The following PCDH15 variants were observed in gnomAD, a reference collection of about 807,000 sequenced individuals.
PCDH15 encodes the protein protocadherin related 15, also known as protocadherin-15.
In PCDH15, 129 loss-of-function variants were observed where a neutral mutation model predicts 178.5. The observed-to-expected ratio is 0.72, with a 90% CI of 0.63 to 0.84. The LOEUF (loss-of-function observed/expected upper bound fraction) is 0.84, where lower values mean the gene tolerates loss of function less well. PCDH15 is among the 40% of genes least tolerant of loss of function. The pLI is 0.00. For synonymous variants in PCDH15, 800 were observed against 732.0 expected, an observed-to-expected ratio of 1.09 and a Z score of -1.50; for missense variants, 2,230 against 2,099.9, an observed-to-expected ratio of 1.06 and a Z score of -1.21.
chr10:54,539,160 A>T lies in PCDH15; in HGVS notation c.92-11283T>A, dbSNP rs2084912945. ...GCTTCTTGGTTAGACGTACTATCTA[A>T]AAGCCCTACTTAAAAGGCACAGAGT... On this transcript the variant is annotated intron_variant, in intron 2 of 37. Transcript: ENST00000644397. 2.6e-5 allele frequency among the ~76,000 whole-genome samples: 4 copies of T among 152,144 alleles called. No homozygotes were observed. The South Asian group carries it at 6.2e-4, about 24-fold the overall frequency.
intron 13 of PCDH15, among the ~76,000 whole-genome samples, chr10:54,164,532 A>T (rs2046018400): frequency 6.6e-6 from 1 of 152,228 alleles, no homozygotes; most frequent in African/African-American, 2.4e-5. Context: ...AAAAGGCAGA[A>T]GTAATAGAGG....
intron 26 of PCDH15, among the ~76,000 whole-genome samples, chr10:53,884,027 A>AAAAAC (rs1554843461): frequency 1.3e-5 from 2 of 151,488 alleles, no homozygotes; most frequent in Non-Finnish European, 2.9e-5. Context: ...GTTTTTGTAA[A>AAAAAC]AAAACAAAAC....
At position 55,619,477 on chromosome 10, in the gene PCDH15, G is replaced by T. The variant is rs181945004; in HGVS notation, c.-156+8148C>A. ...AACACAGTATCTGGACCCTTGATTT[G>T]AATCCACACTCAATCTCTTTCTAAC... On this transcript the variant is annotated intron_variant, in intron 2 of 5. Coordinates refer to the PCDH15 transcript ENST00000613346. Among the ~76,000 whole-genome samples, 15 of 152,042 alleles carry T rather than the reference G, an allele frequency of 9.9e-5. No individual in the cohort carries two copies. The East Asian group carries it at 2.3e-3, about 24-fold the overall frequency.
intron 23 of PCDH15, among the ~76,000 whole-genome samples, chr10:53,943,405 G>A (rs1469959797): frequency 2.0e-5 from 3 of 151,986 alleles, no homozygotes; most frequent in Non-Finnish European, 4.4e-5. Flanking sequence ...GAACCTGGGA[G>A]GCGGAGGTTG....
intron 3 of PCDH15, among the ~76,000 whole-genome samples, chr10:54,465,991 TA>T (rs2077492487): frequency 6.6e-6 from 1 of 151,970 alleles, no homozygotes; most frequent in South Asian, 2.1e-4. Flanking sequence ...CCATGATGAT[TA>T]GTGATATTGA....
intron 28 of PCDH15, among the ~76,000 whole-genome samples, chr10:53,845,092 C>A (rs1376388996): frequency 1.3e-5 from 2 of 151,682 alleles, no homozygotes; most frequent in Admixed American, 1.3e-4. Flanking sequence ...AGAAGATATA[C>A]AAAGAGTCAA....
At chr10:55,292,738 C>A (rs1331661896) in intron 1 of PCDH15, among the ~76,000 whole-genome samples, 1 of 152,204 alleles carries the variant, frequency 6.6e-6, no homozygotes, top group Non-Finnish European at 1.5e-5. Flanking sequence ...GTTTCACATC[C>A]AGGTCACGCT....
chr10:55,593,860 C>G (rs1842891674), intron 2 of PCDH15, among the ~76,000 whole-genome samples: 1 of 151,734 alleles, frequency 6.6e-6, no homozygotes, highest in African/African-American at 2.4e-5. Flanking sequence ...TAGGACAACC[C>G]AAAGATCTGG....
chr10:54,852,619 G>A (rs910383474), intron 3 of PCDH15, among the ~76,000 whole-genome samples: 6 of 152,058 alleles, frequency 3.9e-5, no homozygotes, highest in East Asian at 3.9e-4. Flanking sequence ...TTGGGAGGCC[G>A]AGGCAGGTGG....
intron 26 of PCDH15, among the ~76,000 whole-genome samples, chr10:53,891,595 T>C (rs1039404624): frequency 4.6e-5 from 7 of 152,128 alleles, no homozygotes; most frequent in African/African-American, 1.7e-4. Context: ...CTACTTTATT[T>C]TCATGTATCA....
At position 55,253,397 on chromosome 10, in the gene PCDH15, T is replaced by C. The variant is rs955373254; in HGVS notation, c.-156+66202A>G. ...CTGTCGTTTCTCATATCTGTATAGTTTGATTCCTATGCTTTCTAAAATTTT... is the reference window on the plus strand; with the variant it reads ...CTGTCGTTTCTCATATCTGTATAGTCTGATTCCTATGCTTTCTAAAATTTT... On this transcript the variant is annotated intron_variant, in intron 1 of 5. Coordinates refer to the PCDH15 transcript ENST00000458638. Among the ~76,000 whole-genome samples, 27 of 152,278 alleles carry C rather than the reference T, an allele frequency of 1.8e-4. 1 individual carries two copies. The highest frequency in any genetic ancestry group is 1.5e-3 in the Admixed American group (23 of 15,290).
intron 25 of PCDH15, among the ~76,000 whole-genome samples, chr10:53,910,869 C>A (rs746553452): frequency 5.3e-5 from 8 of 152,052 alleles, no homozygotes; most frequent in Admixed American, 6.6e-5. Flanking sequence ...GACACATGAA[C>A]AAGCTTCAAT....
chr10:55,191,206 ATTT>A (rs199696142), intron 1 of PCDH15, among the ~76,000 whole-genome samples: 2 of 147,644 alleles, frequency 1.4e-5, no homozygotes, highest in Admixed American at 6.8e-5. Context: ...ATAGCTTAAG[ATTT>A]TTTTTTATTT....
rs561958376 is a variant in PCDH15 at position 54,196,335 on chromosome 10, G to A, written c.1099-446C>T. Among the ~76,000 whole-genome samples the A allele has an allele frequency of 4.6e-5, 7 of 152,040 alleles. No homozygotes were observed. The South Asian group carries it at 1.0e-3, about 23-fold the overall frequency. On this transcript the variant is annotated intron_variant, in intron 10 of 37. Coordinates refer to ENST00000644397, the MANE Select transcript of PCDH15 (RefSeq NM_001384140.1). ...TGTTTTGTATTTTTAGTAGAGACAG[G>A]GTTTCACCGTGTTAGCCAGGATGCT...
chr10:55,147,734 C>T (rs1183819499), intron 2 of PCDH15, among the ~76,000 whole-genome samples: 2 of 151,032 alleles, frequency 1.3e-5, no homozygotes, highest in Admixed American at 6.6e-5. Context: ...CATATGTATA[C>T]ATGTGCCATG....
intron 3 of PCDH15, among the ~76,000 whole-genome samples, chr10:54,500,244 T>C (rs1407138196): frequency 2.0e-5 from 3 of 151,926 alleles, no homozygotes; most frequent in Non-Finnish European, 4.4e-5. Flanking sequence ...GAGCTAAACA[T>C]TGAGTTCACA....
intron 2 of PCDH15, among the ~76,000 whole-genome samples, chr10:55,520,786 G>C (rs930542049): frequency 2.6e-5 from 4 of 151,674 alleles, no homozygotes; most frequent in African/African-American, 9.7e-5. Context: ...TTACTCTTCT[G>C]TATTCTTTTC....
chr10:55,565,859 C>T (rs1311693863), intron 2 of PCDH15, among the ~76,000 whole-genome samples: 1 of 151,574 alleles, frequency 6.6e-6, no homozygotes, highest in Non-Finnish European at 1.5e-5. Flanking sequence ...TATCTCCTGA[C>T]AACAAAAGCC....
chr10:55,235,050 A>G (rs1841339090), intron 1 of PCDH15, among the ~76,000 whole-genome samples: 2 of 151,720 alleles, frequency 1.3e-5, no homozygotes, highest in South Asian at 4.2e-4. Flanking sequence ...ACCTCAATAT[A>G]AAAGTCACGA....
Sources: allele counts gnomAD v4.1 joint callset (sites outside exome capture counted in the v4.1 genomes callset), GRCh38; gene constraint gnomAD v4.1.1; transcripts MANE v1.5; gene names NCBI Gene and HGNC (gene_info 2026-07-23, HGNC 2026-07-21).